The following NAF1 variants were observed in gnomAD, a reference collection of about 807,000 sequenced individuals.
The protein encoded by NAF1 is nuclear assembly factor 1 ribonucleoprotein.
A neutral mutation model predicts 40.6 loss-of-function variants in NAF1; 11 were observed. That is an observed-to-expected ratio of 0.27 (90% confidence interval 0.17 to 0.45). The LOEUF (loss-of-function observed/expected upper bound fraction) is 0.45. Ranked by LOEUF, NAF1 falls within the 20% of genes least tolerant of loss-of-function variation. The probability of loss-of-function intolerance (pLI) is 1.00; values close to 1 mark genes in which losing one functional copy is unlikely to be tolerated. For synonymous variants in NAF1, 260 were observed against 228.5 expected (o/e 1.14, Z -1.24); for missense variants, 607 against 611.1 (o/e 0.99, Z 0.07).
At chr4:163,114,640 G>C (rs1730270642) in intron 2 of NAF1, among the ~76,000 whole-genome samples, 1 of 152,104 alleles carries the variant, frequency 6.6e-6, no homozygotes, top group Non-Finnish European at 1.5e-5. Flanking sequence ...TCTGTGAGTA[G>C]TATTTTTATA....
At chr4:163,112,992 G>A (rs937473656) in intron 2 of NAF1, among the ~76,000 whole-genome samples, 7 of 152,118 alleles carry the variant, frequency 4.6e-5, no homozygotes, top group Admixed American at 2.6e-4. Context: ...CTCCGATCAC[G>A]TTCAACTCTA....
At chr4:163,151,464 C>T (rs550480355) in intron 2 of NAF1, among the ~76,000 whole-genome samples, 115 of 151,964 alleles carry the variant, frequency 7.6e-4, no homozygotes, top group African/African-American at 2.7e-3. Flanking sequence ...AAACTACTAG[C>T]CAGTTATCCT....
chr4:163,164,441 T>C (rs1163963163), intron 1 of NAF1, 50 bp from the exon 2 acceptor site: 1 of 1,244,996 alleles, frequency 8.0e-7, no homozygotes, highest in East Asian at 2.9e-5. Context: ...ATTATACTAA[T>C]ATTAAAATAA....
rs138042717 is a variant in NAF1 at position 163,114,712 on chromosome 4, C to T, written c.115-4422G>A. On this transcript the variant is annotated intron_variant, in intron 2 of 2. Transcript: ENST00000509434. Reference sequence around the variant, plus strand: ...TTATAATGTCCTTGTCAGATTTTGGCATCAAGTTTATGTTGTCCTCACAAA... The same window carrying T: ...TTATAATGTCCTTGTCAGATTTTGGTATCAAGTTTATGTTGTCCTCACAAA... Among the ~76,000 whole-genome samples, 728 of 152,230 alleles carry T rather than the reference C, an allele frequency of 4.8e-3. 4 individuals are homozygous for T. Among genetic ancestry groups the T allele is most frequent in the African/African-American group, 0.016 (671 of 41,540 alleles).
rs1731260547 is a variant in NAF1, at chr4:163,141,491, A to C, written c.718-1108T>G. On this transcript the variant is annotated intron_variant, in intron 4 of 7. Transcript: ENST00000274054. ...TATACTGCCCCCTTTTAAAAACCTA[A>C]AGTTGTTCCATGTTATATTCTTTGT... 3.3e-5 allele frequency among the ~76,000 whole-genome samples: 5 copies of C among 152,166 alleles called. 1 individual carries two copies. The highest frequency in any genetic ancestry group is 3.3e-4 in the Admixed American group (5 of 15,278).
intron 2 of NAF1, chr4:163,119,353 T>G (rs1248344571): frequency 2.0e-5 from 3 of 152,198 alleles, no homozygotes; most frequent in Non-Finnish European, 2.9e-5. Flanking sequence ...ATTTCCTATT[T>G]ATATCCTAAA....
At chr4:163,127,025 A>G (rs1560782333), downstream of NAF1, 1 of 1,551,556 alleles carries the variant, frequency 6.4e-7, no homozygotes, top group Non-Finnish European at 8.7e-7. Context: ...CGTAACTTTT[A>G]TATGCATTTG....
chr4:163,106,639 G>C (rs1202847299), downstream of NAF1, among the ~76,000 whole-genome samples: 1 of 151,666 alleles, frequency 6.6e-6, no homozygotes, highest in African/African-American at 2.4e-5. Context: ...TATTAATACA[G>C]AATCATCCAA....
At chr4:163,112,146 A>G (rs187276449) in intron 2 of NAF1, among the ~76,000 whole-genome samples, 77 of 152,246 alleles carry the variant, frequency 5.1e-4, no homozygotes, top group African/African-American at 1.8e-3. Flanking sequence ...AAATAAGATG[A>G]GAGAGATAAT....
At chr4:163,120,671 G>T (rs1263249042) in intron 2 of NAF1, among the ~76,000 whole-genome samples, 1 of 152,098 alleles carries the variant, frequency 6.6e-6, no homozygotes, top group Non-Finnish European at 1.5e-5. Flanking sequence ...TAGTGTAAAT[G>T]TATGCTTTCT....
At chr4:163,113,043 T>G (rs1042784776) in intron 2 of NAF1, among the ~76,000 whole-genome samples, 1 of 152,094 alleles carries the variant, frequency 6.6e-6, no homozygotes, top group Admixed American at 6.6e-5. Context: ...AGAAGAAAAA[T>G]TGAGACATCA....
At chr4:163,144,216 T>C (rs913592115) in intron 4 of NAF1, among the ~76,000 whole-genome samples, 6 of 152,102 alleles carry the variant, frequency 3.9e-5, no homozygotes, top group African/African-American at 1.4e-4. Context: ...TCTGAGACTG[T>C]CCTCCCTTAA....
At chr4:163,153,661 T>C (rs1210966862) in intron 2 of NAF1, among the ~76,000 whole-genome samples, 3 of 152,128 alleles carry the variant, frequency 2.0e-5, no homozygotes, top group Admixed American at 6.5e-5. Context: ...GATGGGGACA[T>C]GGAGAACCTT....
At chr4:163,105,101 T>C (rs527241631), downstream of NAF1, among the ~76,000 whole-genome samples, 3 of 152,316 alleles carry the variant, frequency 2.0e-5, no homozygotes, top group East Asian at 5.8e-4. Flanking sequence ...TCTATTGTTG[T>C]TCCTGGTGTG....
intron 7 of NAF1, among the ~76,000 whole-genome samples, chr4:163,130,211 C>T (rs2110879151): frequency 6.6e-6 from 1 of 151,880 alleles, no homozygotes; most frequent in South Asian, 2.1e-4. Context: ...AAGAAAATTG[C>T]TCATCACAAA....
rs897667724 is a variant in NAF1 at position 163,166,277 on chromosome 4, G to A, written c.365+86C>T. 9 of 1,471,164 alleles carry A rather than the reference G, an allele frequency of 6.1e-6. No individual in the cohort carries two copies. In the South Asian group the frequency reaches 1.3e-4, roughly 21 times the overall value. 91.1% of individuals were successfully genotyped at this position (1,471,164 alleles called of 1,614,324 possible). A position where few individuals can be genotyped will look rare whatever the true frequency, so the allele number is the denominator to read the frequency against. On this transcript the variant is annotated intron_variant, in intron 1 of 7. Transcript: ENST00000274054. ...TGCCCACCCTCCAGGGCCCACACAA[G>A]CAACCTCTAGGCTCCTAGGCCCCAG...
chr4:163,128,094 A>C (rs1040948938), downstream of NAF1, among the ~76,000 whole-genome samples: 2 of 152,250 alleles, frequency 1.3e-5, no homozygotes, highest in African/African-American at 4.8e-5. Context: ...ATAAAGCAGT[A>C]GTCATTACTC....
At chr4:163,110,885 T>C (rs1026533146) in intron 2 of NAF1, among the ~76,000 whole-genome samples, 15 of 152,292 alleles carry the variant, frequency 9.8e-5, no homozygotes, top group Middle Eastern at 3.4e-3. Context: ...AAAAATGGAT[T>C]AAGGCCTACA....
At chr4:163,154,539 G>A (rs1264242727) in intron 2 of NAF1, among the ~76,000 whole-genome samples, 2 of 152,154 alleles carry the variant, frequency 1.3e-5, no homozygotes, top group Admixed American at 6.5e-5. Context: ...TGAATTAAGG[G>A]AAAACAGATC....
Sources: allele counts gnomAD v4.1 joint callset (sites outside exome capture counted in the v4.1 genomes callset), GRCh38; gene constraint gnomAD v4.1.1; transcripts MANE v1.5; gene names NCBI Gene and HGNC (gene_info 2026-07-23, HGNC 2026-07-21).